The following RPRD2 variants were observed in gnomAD, a reference collection of about 807,000 sequenced individuals.
The protein encoded by RPRD2 is regulation of nuclear pre-mRNA domain-containing protein 2.
In RPRD2, 12 loss-of-function variants were observed where a neutral mutation model predicts 104.4. The observed-to-expected ratio is 0.11, with a 90% CI of 0.07 to 0.19. The LOEUF (loss-of-function observed/expected upper bound fraction) is 0.19, where lower values mean the gene tolerates loss of function less well. Ranked by LOEUF, RPRD2 falls within the 10% of genes least tolerant of loss-of-function variation. The pLI is 1.00. For synonymous variants in RPRD2, 714 were observed against 684.9 expected, an observed-to-expected ratio of 1.04 and a Z score of -0.66; for missense variants, 1,543 against 1,790.1, an observed-to-expected ratio of 0.86 and a Z score of 2.49.
chr1:150,469,366 A>T (rs1480256007), intron 10 of RPRD2, among the ~76,000 whole-genome samples: 1 of 152,136 alleles, frequency 6.6e-6, no homozygotes, highest in African/African-American at 2.4e-5. Context: ...TGTAACCTTG[A>T]ACTGGGCACA....
At chr1:150,414,012 G>C (rs1664141625) in intron 1 of RPRD2, among the ~76,000 whole-genome samples, 1 of 152,166 alleles carries the variant, frequency 6.6e-6, no homozygotes, top group Non-Finnish European at 1.5e-5. Context: ...AGGATCACTT[G>C]AACCCAGGAG....
At chr1:150,376,523 A>T (rs1660703657) in intron 1 of RPRD2, among the ~76,000 whole-genome samples, 1 of 150,586 alleles carries the variant, frequency 6.6e-6, no homozygotes, top group Non-Finnish European at 1.5e-5. Flanking sequence ...TTGAGACGGA[A>T]TCTTGCTCTG....
At chr1:150,396,696 C>G (rs1662557755) in intron 1 of RPRD2, among the ~76,000 whole-genome samples, 1 of 151,872 alleles carries the variant, frequency 6.6e-6, no homozygotes, top group Non-Finnish European at 1.5e-5. Context: ...AAAAGACAAC[C>G]CTAAAATTCA....
Position 150,441,906 on chromosome 1 carries a change from G to T in RPRD2, c.462G>T (p.Gln154His), listed in dbSNP as rs587740734. Reference sequence around the variant, plus strand: ...GTACCACTTTCAAAACTCAGAAGCAGCTGAAAGAAAATCTGAACAAACAAC... The same window carrying T: ...GTACCACTTTCAAAACTCAGAAGCATCTGAAAGAAAATCTGAACAAACAAC... ...ALSTTFKTQK[Q>H]LKENLNKQPN... is the part of the protein sequence containing the mutation. The change falls in exon 4 of 11, where the codon CAG (glutamine) becomes CAT (histidine). Residue 154 changes from glutamine to histidine, a missense_variant. This residue lies in a region of RPRD2 where 572 missense variants were observed against 787.3 expected (regional missense o/e 0.73). Coordinates refer to ENST00000369068, the MANE Select transcript of RPRD2 (RefSeq NM_015203.5). 5.0e-6 allele frequency: 8 copies of T among 1,613,030 alleles called. No individual in the cohort carries two copies. The Admixed American group carries it at 1.2e-4, about 24-fold the overall frequency.
At chr1:150,416,985 G>A (rs1553888719) in intron 1 of RPRD2, among the ~76,000 whole-genome samples, 1 of 152,052 alleles carries the variant, frequency 6.6e-6, no homozygotes, top group Non-Finnish European at 1.5e-5. Flanking sequence ...CAGCAGCAGA[G>A]CCTCCCTCCA....
chr1:150,458,242 C>G (rs774643745), intron 8 of RPRD2, among the ~76,000 whole-genome samples: 1 of 152,090 alleles, frequency 6.6e-6, no homozygotes, highest in Non-Finnish European at 1.5e-5. Context: ...ATTGCTTGAG[C>G]CCAGGACTTT....
chr1:150,435,615 G>A (rs921800693), intron 2 of RPRD2, among the ~76,000 whole-genome samples: 1 of 152,222 alleles, frequency 6.6e-6, no homozygotes, highest in Non-Finnish European at 1.5e-5. Flanking sequence ...TCCAGAGCAA[G>A]GCCCTAACTC....
intron 1 of RPRD2, among the ~76,000 whole-genome samples, chr1:150,380,700 G>A (rs868978281): frequency 1.6e-4 from 24 of 151,104 alleles, no homozygotes; most frequent in Admixed American, 2.6e-4. Flanking sequence ...CTGTCGCCAG[G>A]CTGGAGTGCA....
intron 1 of RPRD2, among the ~76,000 whole-genome samples, chr1:150,396,431 G>A (rs1210465927): frequency 6.6e-6 from 1 of 152,078 alleles, no homozygotes; most frequent in Non-Finnish European, 1.5e-5. Flanking sequence ...AGTTGCCTAA[G>A]CCAATGTCTA....
At chr1:150,445,925 G>C (rs1245889348) in intron 6 of RPRD2, among the ~76,000 whole-genome samples, 2 of 152,104 alleles carry the variant, frequency 1.3e-5, no homozygotes, top group African/African-American at 4.8e-5. Flanking sequence ...AAAATTAGCT[G>C]GGCGTGGTGG....
intron 1 of RPRD2, among the ~76,000 whole-genome samples, chr1:150,384,504 T>C (rs1661408468): frequency 6.7e-6 from 1 of 149,652 alleles, no homozygotes; most frequent in South Asian, 2.1e-4. Context: ...GGGATGGAGC[T>C]CTTGTTGCCC....
At chr1:150,394,160 C>T (rs1319285413) in intron 1 of RPRD2, among the ~76,000 whole-genome samples, 6 of 151,992 alleles carry the variant, frequency 3.9e-5, no homozygotes, top group African/African-American at 1.5e-4. Flanking sequence ...AAGCGATTCT[C>T]CTGACTCAGC....
At chr1:150,373,117 G>A (rs1660440692) in intron 1 of RPRD2, among the ~76,000 whole-genome samples, 3 of 151,866 alleles carry the variant, frequency 2.0e-5, no homozygotes, top group Admixed American at 1.3e-4. Flanking sequence ...GGGTTCAAGC[G>A]ATTCTCCTGT....
intron 1 of RPRD2, among the ~76,000 whole-genome samples, chr1:150,410,807 A>G (rs1663837304): frequency 6.6e-6 from 1 of 152,104 alleles, no homozygotes; most frequent in Non-Finnish European, 1.5e-5. Context: ...AAAGAAATCG[A>G]TTTTCTCACA....
intron 1 of RPRD2, among the ~76,000 whole-genome samples, chr1:150,399,273 G>C (rs1335174082): frequency 6.6e-6 from 1 of 152,030 alleles, no homozygotes. Flanking sequence ...CAAAGTGCTG[G>C]GATTACAGGC....
chr1:150,428,013 T>A (rs183053529), intron 2 of RPRD2, among the ~76,000 whole-genome samples: 1 of 152,228 alleles, frequency 6.6e-6, no homozygotes, highest in East Asian at 1.9e-4. Flanking sequence ...AATAAAAATT[T>A]TTGAGTTTGA....
In RPRD2 at chr1:150,446,362, C is replaced by T; in HGVS notation, c.831C>T (p.Phe277=). The change falls in exon 7 of 11, where the codon TTC becomes TTT. Residue 277 remains phenylalanine, a synonymous_variant. Coordinates refer to ENST00000369068, the MANE Select transcript of RPRD2 (RefSeq NM_015203.5). The part of the protein sequence containing the change: ...LTEALENAGI[F]YEAQYKEVKV... ...AAGCACTGGAAAATGCTGGAATTTT[C>T]TATGAAGCACAATACAAAGAAGTAA... 6.2e-7 allele frequency: 1 copy of T among 1,610,142 alleles called. No homozygotes were observed. Among genetic ancestry groups the T allele is most frequent in the African/African-American group, 1.3e-5 (1 of 74,740 alleles).
At chr1:150,457,779 C>T (rs1572516219) in intron 8 of RPRD2, among the ~76,000 whole-genome samples, 3 of 152,084 alleles carry the variant, frequency 2.0e-5, no homozygotes, top group Non-Finnish European at 2.9e-5. Flanking sequence ...TGTTAAAATG[C>T]TAGCTACTAG....
chr1:150,409,932 A>G (rs1572416544), intron 1 of RPRD2, among the ~76,000 whole-genome samples: 1 of 152,292 alleles, frequency 6.6e-6, no homozygotes, highest in East Asian at 1.9e-4. Context: ...GGCGTGAGCT[A>G]CCGCACCTGG....
Sources: allele counts gnomAD v4.1 joint callset (sites outside exome capture counted in the v4.1 genomes callset), GRCh38; gene constraint gnomAD v4.1.1; regional missense constraint gnomAD v4.1.1; transcripts MANE v1.5; gene names NCBI Gene and HGNC (gene_info 2026-07-23, HGNC 2026-07-21).